Variants in DLG1 observed in about 807,000 individuals in gnomAD.
The protein encoded by DLG1 is disks large homolog 1.
DLG1 carries 42 observed loss-of-function variants against 123.4 expected under a neutral mutation model. The observed-to-expected ratio is 0.34, with a 90% CI of 0.27 to 0.44. The LOEUF (loss-of-function observed/expected upper bound fraction) is 0.44, where lower values mean the gene tolerates loss of function less well. Among genes scored for constraint, DLG1 ranks in the 20% least tolerant of loss-of-function variants. The pLI, the probability that DLG1 is intolerant of heterozygous loss-of-function variation, is 1.00. For synonymous variants in DLG1, 317 were observed against 356.2 expected, an observed-to-expected ratio of 0.89 and a Z score of 1.24; for missense variants, 942 against 1,082.6, an observed-to-expected ratio of 0.87 and a Z score of 1.82.
At chr3:197,151,741 C>T (rs1360534243) in intron 5 of DLG1, among the ~76,000 whole-genome samples, 2 of 152,164 alleles carry the variant, frequency 1.3e-5, no homozygotes, top group Non-Finnish European at 2.9e-5. Flanking sequence ...GTCAGGGTTG[C>T]TATTAAGATA....
intron 4 of DLG1, chr3:197,225,929 G>C (rs1739650672): frequency 6.6e-6 from 1 of 152,594 alleles, no homozygotes; most frequent in South Asian, 2.1e-4. Context: ...TCGGAGAAAA[G>C]CAATCCAAGT....
intron 4 of DLG1, among the ~76,000 whole-genome samples, chr3:197,205,340 A>G (rs1028063871): frequency 1.3e-5 from 2 of 152,230 alleles, no homozygotes; most frequent in Non-Finnish European, 2.9e-5. Flanking sequence ...AATTCCTCAG[A>G]AATGACAAAA....
At chr3:197,083,832 A>C (rs1043130318) in intron 16 of DLG1, among the ~76,000 whole-genome samples, 1 of 152,028 alleles carries the variant, frequency 6.6e-6, no homozygotes, top group South Asian at 2.1e-4. Context: ...CAAAAAACTT[A>C]GCCGGGTGCA....
intron 13 of DLG1, among the ~76,000 whole-genome samples, 184 bp downstream of exon 13, chr3:197,115,743 T>C (rs1465392485): frequency 6.6e-6 from 1 of 152,216 alleles, no homozygotes; most frequent in East Asian, 1.9e-4. Flanking sequence ...GACCCCTTTC[T>C]ATAAAAGAAC....
At chr3:197,121,228 T>C (rs1322288892) in intron 11 of DLG1, among the ~76,000 whole-genome samples, 1 of 152,086 alleles carries the variant, frequency 6.6e-6, no homozygotes, top group African/African-American at 2.4e-5. Flanking sequence ...AGACTAAAAA[T>C]TAATGTTCCT....
At chr3:197,075,898 G>A in intron 18 of DLG1, 1 of 1,603,206 alleles carries the variant, frequency 6.2e-7, no homozygotes, top group East Asian at 2.2e-5. Flanking sequence ...CAGAGAGCAA[G>A]CAATAAAAAG....
chr3:197,136,944 C>G (rs1354110245), intron 9 of DLG1, among the ~76,000 whole-genome samples: 1 of 152,298 alleles, frequency 6.6e-6, no homozygotes, highest in East Asian at 1.9e-4. Flanking sequence ...TCCAAAGTGA[C>G]ATTGCGAAAT....
intron 16 of DLG1, among the ~76,000 whole-genome samples, chr3:197,083,891 T>C (rs1414014084): frequency 1.3e-5 from 2 of 152,130 alleles, no homozygotes; most frequent in Non-Finnish European, 2.9e-5. Flanking sequence ...GGGGGATAGC[T>C]TGAGCCCAGG....
At chr3:197,208,031 C>T (rs546136487) in intron 4 of DLG1, among the ~76,000 whole-genome samples, 12 of 145,496 alleles carry the variant, frequency 8.2e-5, no homozygotes, top group African/African-American at 2.7e-4. Flanking sequence ...CATTTAAAAA[C>T]TTCTTAGTCC....
chr3:197,068,618 C>T, intron 19 of DLG1: 1 of 852,762 alleles, frequency 1.2e-6, no homozygotes, highest in Non-Finnish European at 1.9e-6. Context: ...ATATTATGTA[C>T]CCTCCCCTTC....
chr3:197,271,185 T>G (rs781355596), intron 4 of DLG1, among the ~76,000 whole-genome samples: 1 of 152,074 alleles, frequency 6.6e-6, no homozygotes, highest in Non-Finnish European at 1.5e-5. Context: ...AGTCCACATC[T>G]CCTCCTCTCA....
chr3:197,065,196 G>C (rs1488187348), intron 22 of DLG1, 80 bp downstream of exon 22: 1 of 1,332,078 alleles, frequency 7.5e-7, no homozygotes, highest in African/African-American at 1.5e-5. Flanking sequence ...AATTAGTGCT[G>C]TATCTATCCT....
chr3:197,126,287 C>T (rs1370608158), intron 11 of DLG1, among the ~76,000 whole-genome samples: 1 of 151,856 alleles, frequency 6.6e-6, no homozygotes, highest in Non-Finnish European at 1.5e-5. Flanking sequence ...ACCAGCCTGA[C>T]CAAACATGGA....
intron 23 of DLG1, among the ~76,000 whole-genome samples, chr3:197,057,378 G>A (rs1210258396): frequency 6.6e-6 from 1 of 152,202 alleles, no homozygotes; most frequent in African/African-American, 2.4e-5. Flanking sequence ...CGCCGCACCT[G>A]ACAGTCGTTG....
intron 17 of DLG1, among the ~76,000 whole-genome samples, chr3:197,078,247 G>C (rs929758343): frequency 6.6e-6 from 1 of 151,242 alleles, no homozygotes; most frequent in African/African-American, 2.4e-5. Context: ...CCAGGAGTTT[G>C]AGGCTGCAAT....
chr3:197,191,484 T>A (rs1390938589), intron 5 of DLG1, among the ~76,000 whole-genome samples: 2 of 152,160 alleles, frequency 1.3e-5, no homozygotes, highest in Non-Finnish European at 2.9e-5. Context: ...CCAAAATAAC[T>A]ACTAAAATAC....
intron 2 of DLG1, chr3:197,296,739 G>C (rs1777541490): frequency 1.3e-5 from 5 of 392,594 alleles, no homozygotes; most frequent in Middle Eastern, 6.9e-4. Flanking sequence ...TGTACTGGTA[G>C]TTTGCCAAAG....
intron 5 of DLG1, among the ~76,000 whole-genome samples, chr3:197,169,042 C>G (rs1457634032): frequency 6.6e-6 from 1 of 152,166 alleles, no homozygotes; most frequent in African/African-American, 2.4e-5. Context: ...TTAATTTTCT[C>G]TATAGCTTTA....
chr3:197,152,349 T>C (rs1701659641), intron 5 of DLG1, among the ~76,000 whole-genome samples: 1 of 152,026 alleles, frequency 6.6e-6, no homozygotes, highest in East Asian at 1.9e-4. Context: ...CCAAGTCTTT[T>C]AGTTGTAGTT....
Sources: gnomAD v4.1 joint callset for allele counts (sites outside exome capture counted in the v4.1 genomes callset) on GRCh38, gnomAD v4.1.1 for gene constraint, MANE v1.5 for transcripts, NCBI Gene and HGNC (gene_info 2026-07-23, HGNC 2026-07-21) for gene names.